FNDC1: variants seen among roughly 807,000 people sequenced by gnomAD.
FNDC1 encodes the protein fibronectin type III domain-containing protein 1.
Under a neutral mutation model 168.0 loss-of-function variants are expected in FNDC1, and 96 were observed. The ratio of observed to expected loss-of-function variants is 0.57; its 90% CI spans 0.48 to 0.68. The LOEUF is 0.68. Among genes scored for constraint, FNDC1 ranks in the 30% least tolerant of loss-of-function variants. The probability of loss-of-function intolerance (pLI) is 0.00; values close to 1 mark genes in which losing one functional copy is unlikely to be tolerated. For synonymous variants in FNDC1, 1,099 were observed against 1,025.9 expected, an observed-to-expected ratio of 1.07 and a Z score of -1.36; for missense variants, 2,587 against 2,482.1, an observed-to-expected ratio of 1.04 and a Z score of -0.90.
chr6:159,219,046 C>CTTTTTT (rs11435161), intron 5 of FNDC1, among the ~76,000 whole-genome samples: 2 of 146,722 alleles, frequency 1.4e-5, no homozygotes, highest in African/African-American at 2.5e-5. Context: ...AGTTTCCCCT[C>CTTTTTT]TTTTTTTTTT....
chr6:159,194,632 G>A (rs574915999), intron 1 of FNDC1, among the ~76,000 whole-genome samples: 33 of 152,270 alleles, frequency 2.2e-4, no homozygotes, highest in African/African-American at 7.5e-4. Context: ...TCACGTTGAA[G>A]GATTGCACTC....
intron 1 of FNDC1, among the ~76,000 whole-genome samples, chr6:159,178,893 T>G (rs900117309): frequency 6.6e-5 from 10 of 152,006 alleles, no homozygotes; most frequent in Non-Finnish European, 1.5e-4. Context: ...TCCCGCAACA[T>G]TCCAGTCTCA....
At position 159,232,057 on chromosome 6, in the gene FNDC1, T is replaced by C. The variant is rs887212643; in HGVS notation, c.1545T>C (p.Ala515=). The C allele has an allele frequency of 1.9e-6, 3 of 1,613,862 alleles. No individual in the cohort carries two copies. Among genetic ancestry groups the C allele is most frequent in the South Asian group, 1.1e-5 (1 of 91,050 alleles). ...LLLDLKNKIL[A]NGGAPRKPQL... is the part of the protein sequence containing the mutation. ...TTGACTTGAAGAACAAAATATTGGCTAATGGTGGGGCGCCCCGAAAACCCC... is the reference window on the plus strand; with the variant it reads ...TTGACTTGAAGAACAAAATATTGGCCAATGGTGGGGCGCCCCGAAAACCCC... The change falls in exon 11 of 23, where the codon GCT becomes GCC. Residue 515 remains alanine, a synonymous_variant. Coordinates refer to ENST00000297267, the MANE Select transcript of FNDC1 (RefSeq NM_032532.3). This position sits in a 1 kb window ranked among gnomAD's most constrained non-coding sequence, Gnocchi z 4.9.
intron 21 of FNDC1, 59 bp from the exon 22 acceptor site, chr6:159,267,742 ACTC>A (rs1777619310): frequency 1.3e-6 from 2 of 1,591,266 alleles, no homozygotes; most frequent in African/African-American, 1.3e-5. Flanking sequence ...GTGCAAAAAA[ACTC>A]CTAAACCAGT....
At chr6:159,175,775 C>A (rs1292656268) in intron 1 of FNDC1, among the ~76,000 whole-genome samples, 1 of 152,194 alleles carries the variant, frequency 6.6e-6, no homozygotes, top group Non-Finnish European at 1.5e-5. Flanking sequence ...TACCCAAACT[C>A]TTTGCTACTC....
chr6:159,198,867 G>A (rs970969720), intron 2 of FNDC1, among the ~76,000 whole-genome samples: 1 of 152,178 alleles, frequency 6.6e-6, no homozygotes, highest in Non-Finnish European at 1.5e-5. Flanking sequence ...TGACCCCCGG[G>A]CATTTCCCCA....
intron 4 of FNDC1, among the ~76,000 whole-genome samples, chr6:159,207,310 G>A (rs1782506009): frequency 6.6e-6 from 1 of 152,182 alleles, no homozygotes; most frequent in South Asian, 2.1e-4. Flanking sequence ...TGTTCCGACT[G>A]TGAGGGGCGG....
intron 11 of FNDC1, 24 bp from the exon 12 acceptor site, chr6:159,236,191 A>G (rs748860965): frequency 6.4e-7 from 1 of 1,563,826 alleles, no homozygotes; most frequent in Non-Finnish European, 8.8e-7. Context: ...AGGCTCTGTT[A>G]TTTTTATTTT....
chr6:159,259,772 A>C (rs1360020543), intron 18 of FNDC1, among the ~76,000 whole-genome samples: 1 of 152,224 alleles, frequency 6.6e-6, no homozygotes, highest in Non-Finnish European at 1.5e-5. Flanking sequence ...TATGTTCTTA[A>C]TTGTGCATAT....
At chr6:159,238,854 G>A (rs1008285733) in intron 13 of FNDC1, among the ~76,000 whole-genome samples, 189 bp downstream of exon 13, 6 of 152,158 alleles carry the variant, frequency 3.9e-5, no homozygotes, top group African/African-American at 1.4e-4. Context: ...TTCTCTTCCT[G>A]CAGGCTGCAC....
chr6:159,192,561 T>C lies in FNDC1; in HGVS notation c.110-4870T>C, dbSNP rs944326533. Among the ~76,000 whole-genome samples the C allele has an allele frequency of 2.0e-5, 3 of 152,342 alleles. No homozygotes were observed. In the East Asian group the frequency reaches 5.8e-4, roughly 29 times the overall value. The stretch of plus-strand genomic sequence containing the variant: ...CTGAAGGATGATGCTGAACATCTAA[T>C]TCAGGTGCTTGGACAGGTGGTGTTG... On this transcript the variant is annotated intron_variant, in intron 1 of 22. Transcript: ENST00000297267.
At position 159,271,313 on chromosome 6, in the gene FNDC1, T is replaced by C; in HGVS notation, c.5570-14T>C. 1 of 1,582,450 alleles carries C rather than the reference T, an allele frequency of 6.3e-7. No individual in the cohort carries two copies. Among genetic ancestry groups the C allele is most frequent in the Non-Finnish European group, 8.6e-7 (1 of 1,162,030 alleles). On this transcript the variant is annotated splice_polypyrimidine_tract_variant and intron_variant, in intron 22 of 22. Coordinates refer to ENST00000297267, the MANE Select transcript of FNDC1 (RefSeq NM_032532.3). ...GGCCTCTGACGCTTTTCCCCTCTCC[T>C]GTTGCCCTTCCAGGCTACTATCGCC...
At chr6:159,210,764 C>G (rs1171926346) in intron 4 of FNDC1, among the ~76,000 whole-genome samples, 1 of 152,158 alleles carries the variant, frequency 6.6e-6, no homozygotes, top group African/African-American at 2.4e-5. Flanking sequence ...TCAGGGAGTT[C>G]AGATGCAGAG....
chr6:159,231,219 C>G lies in FNDC1; in HGVS notation c.1370-663C>G, dbSNP rs1392008126. The stretch of plus-strand genomic sequence containing the variant: ...TGAAACCCCATCTCTACTAAAAATA[C>G]AAAAAATTAGCCGGGCGCGGTGGCG... On this transcript the variant is annotated intron_variant, in intron 10 of 22. Transcript: ENST00000297267. Among the ~76,000 whole-genome samples, 5 of 77,704 alleles carry G rather than the reference C, an allele frequency of 6.4e-5. 2 individuals carry two copies. Among genetic ancestry groups the G allele is most frequent in the African/African-American group, 1.5e-4 (5 of 32,778 alleles). 51.0% of individuals were successfully genotyped at this position (77,704 alleles called of 152,430 possible). A position where few individuals can be genotyped will look rare whatever the true frequency, so the allele number is the denominator to read the frequency against.
In FNDC1 at chr6:159,246,969, G is replaced by A. The variant is rs1777150210; in HGVS notation, c.4690G>A (p.Asp1564Asn). ...TEEAYVIYDE[D>N]YEFETSRPPT... Reference sequence around the variant, plus strand: ...AGAGGCCTACGTTATATATGATGAAGGTACAAACTGGCTTTTGAAAAATTA... The same window carrying A: ...AGAGGCCTACGTTATATATGATGAAAGTACAAACTGGCTTTTGAAAAATTA... The change falls in exon 15 of 23, where the codon GAT becomes AAT. Residue 1564 changes from aspartate to asparagine, a missense_variant and splice_region_variant. Coordinates refer to ENST00000297267, the MANE Select transcript of FNDC1 (RefSeq NM_032532.3). 2 of 1,583,810 alleles carry A rather than the reference G, an allele frequency of 1.3e-6. No individual in the cohort carries two copies. The highest frequency in any genetic ancestry group is 1.3e-5 in the African/African-American group (1 of 74,152).
At chr6:159,212,996 T>TG (rs1782636061) in intron 4 of FNDC1, among the ~76,000 whole-genome samples, 1 of 152,188 alleles carries the variant, frequency 6.6e-6, no homozygotes, top group Non-Finnish European at 1.5e-5. Flanking sequence ...AGTTTTCTCA[T>TG]GGGGGTGATG....
At chr6:159,190,355 G>A (rs527481694) in intron 1 of FNDC1, among the ~76,000 whole-genome samples, 4 of 152,334 alleles carry the variant, frequency 2.6e-5, no homozygotes, top group South Asian at 2.1e-4. Context: ...CAGCCTGGTC[G>A]GCCTTCTTTC....
At chr6:159,193,322 A>T (rs1474475850) in intron 1 of FNDC1, among the ~76,000 whole-genome samples, 1 of 152,190 alleles carries the variant, frequency 6.6e-6, no homozygotes, top group Admixed American at 6.5e-5. Context: ...GTGCCTTTAG[A>T]TGGAGCATAT....
chr6:159,269,291 T>A (rs1777671638), intron 22 of FNDC1, among the ~76,000 whole-genome samples: 5 of 39,350 alleles, frequency 1.3e-4, no homozygotes, highest in Non-Finnish European at 2.4e-4. Flanking sequence ...TATCTATCTA[T>A]CCATCCATCC....
Sources: gnomAD v4.1 joint callset for allele counts (sites outside exome capture counted in the v4.1 genomes callset) on GRCh38, gnomAD v4.1.1 for gene constraint, Gnocchi (gnomAD v3.1) non-coding constraint, MANE v1.5 for transcripts, NCBI Gene and HGNC (gene_info 2026-07-23, HGNC 2026-07-21) for gene names.